The following THSD4 variants were observed in gnomAD, a reference collection of about 807,000 sequenced individuals.
THSD4 encodes thrombospondin type-1 domain-containing protein 4.
Under a neutral mutation model 119.0 loss-of-function variants are expected in THSD4, and 69 were observed. The ratio of observed to expected loss-of-function variants is 0.58; its 90% CI spans 0.48 to 0.71. The LOEUF (loss-of-function observed/expected upper bound fraction) is 0.71. Ranked by LOEUF, THSD4 falls within the 30% of genes least tolerant of loss-of-function variation. The probability of loss-of-function intolerance (pLI) is 0.00; values close to 1 mark genes in which losing one functional copy is unlikely to be tolerated. For synonymous variants in THSD4, 524 were observed against 540.4 expected (o/e 0.97, Z 0.42); for missense variants, 1,393 against 1,391.1 (o/e 1.00, Z -0.02).
At chr15:71,437,301 A>C (rs2047025800) in intron 7 of THSD4, among the ~76,000 whole-genome samples, 3 of 152,238 alleles carry the variant, frequency 2.0e-5, no homozygotes, top group Admixed American at 2.0e-4. Flanking sequence ...TACCTCCAAC[A>C]CTGGGGATCA....
chr15:71,383,582 A>C (rs1384072722), intron 6 of THSD4, among the ~76,000 whole-genome samples: 1 of 152,208 alleles, frequency 6.6e-6, no homozygotes, highest in African/African-American at 2.4e-5. Context: ...AGAGGCTGAC[A>C]ACTTTACGAA....
chr15:71,336,717 T>C (rs2045493581), intron 6 of THSD4, among the ~76,000 whole-genome samples: 1 of 152,226 alleles, frequency 6.6e-6, no homozygotes, highest in Non-Finnish European at 1.5e-5. Flanking sequence ...TTACAACTTA[T>C]TTTCCCTTAT....
chr15:71,475,966 A>G (rs2047649657), intron 7 of THSD4, among the ~76,000 whole-genome samples: 1 of 152,174 alleles, frequency 6.6e-6, no homozygotes, highest in Non-Finnish European at 1.5e-5. Flanking sequence ...AGAAGTGGCT[A>G]AGAGATGGGC....
intron 6 of THSD4, among the ~76,000 whole-genome samples, chr15:71,331,035 A>G (rs1004467006): frequency 6.6e-6 from 1 of 152,114 alleles, no homozygotes; most frequent in Non-Finnish European, 1.5e-5. Context: ...CAGAGCGTTG[A>G]GCTCATTTCT....
chr15:71,242,587 T>G, intron 4 of THSD4, 62 bp from the exon 5 acceptor site: 1 of 1,550,952 alleles, frequency 6.4e-7, no homozygotes, highest in Non-Finnish European at 8.8e-7. Flanking sequence ...GACCAGAGCT[T>G]CTGAGTTAAC....
intron 12 of THSD4, 87 bp from the exon 13 acceptor site, chr15:71,746,751 G>T: frequency 5.1e-6 from 7 of 1,382,066 alleles, no homozygotes; most frequent in Non-Finnish European, 7.1e-6. Context: ...TGATTCTGAT[G>T]ATTCTGTGTA....
rs1268886213 is a variant in THSD4, at chr15:71,270,851, C to G, written c.1015+14136C>G. Among the ~76,000 whole-genome samples the G allele has an allele frequency of 2.8e-5, 4 of 142,476 alleles. No homozygotes were observed. The Admixed American group carries it at 2.8e-4, about 10-fold the overall frequency. The allele number at this position is 142,476 out of a possible 152,430, so 93.5% of individuals were successfully genotyped here. On this transcript the variant is annotated intron_variant, in intron 6 of 17. Transcript: ENST00000261862. Reference sequence around the variant, plus strand: ...TCTCTCTTTTTTTTTTTTTTAATGGCCATGTAGAAGGCATATTAGGAGTGT... The same window carrying G: ...TCTCTCTTTTTTTTTTTTTTAATGGGCATGTAGAAGGCATATTAGGAGTGT...
chr15:71,213,553 C>T (rs1485957448), intron 3 of THSD4, among the ~76,000 whole-genome samples: 1 of 152,152 alleles, frequency 6.6e-6, no homozygotes, highest in Non-Finnish European at 1.5e-5. Context: ...TTGTGTGGAC[C>T]TGTGATGTGT....
At chr15:71,577,706 T>C (rs1284689284) in intron 7 of THSD4, among the ~76,000 whole-genome samples, 1 of 142,032 alleles carries the variant, frequency 7.0e-6, no homozygotes, top group African/African-American at 2.6e-5. Context: ...GCAACCTTTA[T>C]TTATTTATTT....
At chr15:71,627,561 G>T (rs2050533444) in intron 7 of THSD4, among the ~76,000 whole-genome samples, 1 of 152,200 alleles carries the variant, frequency 6.6e-6, no homozygotes, top group African/African-American at 2.4e-5. Flanking sequence ...GCCTTCAGAG[G>T]AGTTTGACCA....
intron 11 of THSD4, among the ~76,000 whole-genome samples, chr15:71,744,256 C>T (rs539167618): frequency 1.7e-4 from 23 of 135,686 alleles, no homozygotes; most frequent in Non-Finnish European, 3.3e-4. Context: ...GAAAGTAAAA[C>T]AAAAAACCTA....
At chr15:71,645,636 AG>A (rs2050954840) in intron 7 of THSD4, among the ~76,000 whole-genome samples, 2 of 152,330 alleles carry the variant, frequency 1.3e-5, no homozygotes, top group Non-Finnish European at 2.9e-5. Context: ...CAGAAGAAAT[AG>A]GAGCTGTCCA....
intron 1 of THSD4, chr15:71,110,402 T>C (rs2141343614): frequency 6.6e-6 from 1 of 152,388 alleles, no homozygotes; most frequent in East Asian, 1.9e-4. Context: ...CGTCAGTCCC[T>C]GCTTAAACCC....
At chr15:71,260,107 G>T (rs1369794816) in intron 6 of THSD4, among the ~76,000 whole-genome samples, 2 of 152,152 alleles carry the variant, frequency 1.3e-5, no homozygotes, top group Non-Finnish European at 2.9e-5. Flanking sequence ...TCTGGTAGAT[G>T]CAGGTCTAAT....
chr15:71,250,062 A>G (rs2044244106), intron 5 of THSD4, among the ~76,000 whole-genome samples: 1 of 152,184 alleles, frequency 6.6e-6, no homozygotes, highest in Admixed American at 6.5e-5. Context: ...AACTCACTAC[A>G]TTCCTTTCCA....
intron 7 of THSD4, among the ~76,000 whole-genome samples, chr15:71,616,056 A>G (rs1430275762): frequency 6.6e-6 from 1 of 152,184 alleles, no homozygotes; most frequent in Non-Finnish European, 1.5e-5. Flanking sequence ...AAATGTGCCA[A>G]TTGATTGAAA....
intron 7 of THSD4, among the ~76,000 whole-genome samples, chr15:71,577,204 T>C (rs142218640): frequency 1.8e-4 from 27 of 152,314 alleles, no homozygotes; most frequent in Middle Eastern, 3.4e-3. Context: ...TTTTGTTTTG[T>C]ATGTTGTTTT....
At chr15:71,289,482 G>A (rs967394302) in intron 6 of THSD4, among the ~76,000 whole-genome samples, 3 of 152,118 alleles carry the variant, frequency 2.0e-5, no homozygotes, top group African/African-American at 7.2e-5. Context: ...CCTGAATAAA[G>A]TAGTGGCTCT....
At chr15:71,740,762 A>G (rs2053219050) in intron 11 of THSD4, among the ~76,000 whole-genome samples, 1 of 152,172 alleles carries the variant, frequency 6.6e-6, no homozygotes, top group Non-Finnish European at 1.5e-5. Context: ...CTACCTCACT[A>G]TATGCTAGTA....
Sources: gnomAD v4.1 joint callset for allele counts (sites outside exome capture counted in the v4.1 genomes callset) on GRCh38, gnomAD v4.1.1 for gene constraint, MANE v1.5 for transcripts, NCBI Gene and HGNC (gene_info 2026-07-23, HGNC 2026-07-21) for gene names.